Variants in DZANK1 observed in about 807,000 individuals in gnomAD.
The protein encoded by DZANK1 is double zinc ribbon and ankyrin repeat domains 1.
A neutral mutation model predicts 94.5 loss-of-function variants in DZANK1; 91 were observed. The observed-to-expected ratio is 0.96, with a 90% CI of 0.81 to 1.15. DZANK1 has a LOEUF of 1.15. Ranked by LOEUF, DZANK1 falls within the 50% of genes most tolerant of loss-of-function variation. The pLI, the probability that DZANK1 is intolerant of heterozygous loss-of-function variation, is 0.00. For synonymous variants in DZANK1, 312 were observed against 325.3 expected (o/e 0.96, Z 0.44); for missense variants, 903 against 916.4 (o/e 0.99, Z 0.19).
intron 11 of DZANK1, 80 bp from the exon 12 acceptor site, chr20:18,414,592 C>T: frequency 1.4e-6 from 2 of 1,476,932 alleles, no homozygotes; most frequent in Non-Finnish European, 1.8e-6. Flanking sequence ...TACAAATTAA[C>T]ATATGCCCAG....
chr20:18,405,430 T>G (rs909489010), intron 13 of DZANK1, among the ~76,000 whole-genome samples: 10 of 150,920 alleles, frequency 6.6e-5, no homozygotes, highest in African/African-American at 2.4e-4. Flanking sequence ...GAAAAAGGAA[T>G]GAAGAAAAAT....
intron 13 of DZANK1, among the ~76,000 whole-genome samples, chr20:18,405,845 G>A (rs565220209): frequency 2.0e-5 from 3 of 152,364 alleles, no homozygotes; most frequent in African/African-American, 7.2e-5. Context: ...TCCCCCAGCA[G>A]CAGCTATACA....
rs1600706369 is a variant in DZANK1, at chr20:18,389,648, C to T, written c.2018+53G>A. The T allele has an allele frequency of 6.2e-6, 10 of 1,604,750 alleles. No homozygotes were observed. The East Asian group carries it at 2.2e-4, about 36-fold the overall frequency. On this transcript the variant is annotated intron_variant, in intron 19 of 20. Coordinates refer to ENST00000262547, the Ensembl canonical transcript of DZANK1. ...GACCGCTTCTGCTGCAGTGGAGCTC[C>T]AAGCAGTCAGCCTGCTGCTACCTTA... is the stretch of plus-strand genomic sequence containing the variant.
intron 8 of DZANK1, among the ~76,000 whole-genome samples, chr20:18,438,459 A>G (rs1282435178): frequency 6.6e-6 from 1 of 152,012 alleles, no homozygotes; most frequent in Non-Finnish European, 1.5e-5. Context: ...CCTTAAATTC[A>G]AAGACACAAA....
At chr20:18,417,610 G>C (rs976856985) in intron 10 of DZANK1, among the ~76,000 whole-genome samples, 11 of 152,142 alleles carry the variant, frequency 7.2e-5, no homozygotes, top group Non-Finnish European at 1.5e-4. Flanking sequence ...TGTGGAAATA[G>C]ATGTGTTTTC....
At chr20:18,447,623 C>T (rs2058927732) in intron 7 of DZANK1, among the ~76,000 whole-genome samples, 1 of 152,032 alleles carries the variant, frequency 6.6e-6, no homozygotes, top group Non-Finnish European at 1.5e-5. Flanking sequence ...CCACTGCACC[C>T]GGACTATAAT....
intron 2 of DZANK1, among the ~76,000 whole-genome samples, chr20:18,462,894 C>T (rs1415568531): frequency 7.1e-6 from 1 of 140,156 alleles, no homozygotes; most frequent in African/African-American, 2.7e-5. Flanking sequence ...CCCAAGATTG[C>T]ATCACTGCAC....
chr20:18,423,659 A>G (rs113805177), intron 10 of DZANK1, among the ~76,000 whole-genome samples: 6 of 152,340 alleles, frequency 3.9e-5, no homozygotes, highest in African/African-American at 7.2e-5. Context: ...TTTGACCTCA[A>G]TAAGAGTAAG....
At chr20:18,404,828 C>G (rs1307061059) in intron 13 of DZANK1, among the ~76,000 whole-genome samples, 1 of 151,976 alleles carries the variant, frequency 6.6e-6, no homozygotes, top group Non-Finnish European at 1.5e-5. Context: ...GAAAAGATCT[C>G]TTGAGCCCAA....
intron 1 of DZANK1, among the ~76,000 whole-genome samples, chr20:18,466,548 G>C (rs1463045623): frequency 6.6e-6 from 1 of 152,192 alleles, no homozygotes; most frequent in Non-Finnish European, 1.5e-5. Flanking sequence ...CTTGAGACTT[G>C]CCCATAGTCG....
chr20:18,465,665 C>T (rs186212915), intron 1 of DZANK1, among the ~76,000 whole-genome samples: 66 of 152,246 alleles, frequency 4.3e-4, no homozygotes, highest in African/African-American at 1.4e-3. Flanking sequence ...ATGAGTAAGG[C>T]AAAACAGAGA....
chr20:18,412,019 T>A (rs1329555473), intron 13 of DZANK1, among the ~76,000 whole-genome samples: 2 of 152,116 alleles, frequency 1.3e-5, no homozygotes, highest in Non-Finnish European at 1.5e-5. Context: ...GAGGGCTCCA[T>A]CCTCATGATC....
chr20:18,385,097 AG>A lies in DZANK1; in HGVS notation c.2019-8del, dbSNP rs1340161152. ...AAGAGCTGTATTTCTGAGCCTAATG[AG>A]GGGGGAAAAATCCTGGATAAATCCT... On this transcript the variant is annotated splice_region_variant and splice_polypyrimidine_tract_variant and intron_variant, in intron 19 of 20. Coordinates refer to ENST00000262547, the Ensembl canonical transcript of DZANK1. 2 of 1,552,124 alleles carry A rather than the reference AG, an allele frequency of 1.3e-6. No individual in the cohort carries two copies. Among genetic ancestry groups the A allele is most frequent in the Non-Finnish European group, 1.7e-6 (2 of 1,147,358 alleles).
chr20:18,384,325 C>T, exon 21 of DZANK1: 8 of 1,455,726 alleles, frequency 5.5e-6, no homozygotes, highest in Non-Finnish European at 7.3e-6. Context: ...TCCCAAAGTG[C>T]TGGGATTACA....
intron 15 of DZANK1, chr20:18,394,622 T>C (rs1369354057): frequency 3.2e-6 from 2 of 616,526 alleles, no homozygotes; most frequent in Non-Finnish European, 6.2e-6. Flanking sequence ...ACCATCACAA[T>C]AGCCTTTCAA....
chr20:18,445,747 A>T (rs932938282), intron 7 of DZANK1, among the ~76,000 whole-genome samples: 5 of 151,922 alleles, frequency 3.3e-5, no homozygotes, highest in African/African-American at 1.2e-4. Context: ...GCCACAAAAA[A>T]ATATATATAT....
At chr20:18,393,578 G>A (rs988407855) in intron 17 of DZANK1, 133 bp downstream of exon 17, 20 of 601,230 alleles carry the variant, frequency 3.3e-5, no homozygotes, top group Non-Finnish European at 5.5e-5. Flanking sequence ...AAAGGACAAG[G>A]ATGCCATGAG....
exon 5 of DZANK1, chr20:18,453,810 A>T (rs758568710): frequency 6.2e-7 from 1 of 1,605,858 alleles, no homozygotes; most frequent in South Asian, 1.1e-5. Flanking sequence ...TTGATCCAAC[A>T]AATCCATTTT....
At chr20:18,388,209 A>G (rs532434781) in intron 19 of DZANK1, among the ~76,000 whole-genome samples, 1 of 152,330 alleles carries the variant, frequency 6.6e-6, no homozygotes, top group African/African-American at 2.4e-5. Flanking sequence ...CAACCATGTG[A>G]GCTACATACT....
Sources: gnomAD v4.1 joint callset for allele counts (sites outside exome capture counted in the v4.1 genomes callset) on GRCh38, gnomAD v4.1.1 for gene constraint, MANE v1.5 for transcripts, NCBI Gene and HGNC (gene_info 2026-07-23, HGNC 2026-07-21) for gene names.